TNPO3: variants seen among roughly 807,000 people sequenced by gnomAD.
The protein encoded by TNPO3 is transportin-3.
A neutral mutation model predicts 122.8 loss-of-function variants in TNPO3; 65 were observed. That is an observed-to-expected ratio of 0.53 (90% confidence interval 0.43 to 0.65). TNPO3 has a LOEUF of 0.65. Among genes scored for constraint, TNPO3 ranks in the 30% least tolerant of loss-of-function variants. The pLI, the probability that TNPO3 is intolerant of heterozygous loss-of-function variation, is 0.00. For synonymous variants in TNPO3, 372 were observed against 411.2 expected (o/e 0.90, Z 1.15); for missense variants, 850 against 1,136.7 (o/e 0.75, Z 3.63).
rs562454600 is a variant in TNPO3, at chr7:129,050,210, T to C, written c.120+4441A>G. ...CATCCTGGCTAACATGGTGAAACCTTGTCTCTACTAAAAAATACAAAAAAT... is the reference window on the plus strand; with the variant it reads ...CATCCTGGCTAACATGGTGAAACCTCGTCTCTACTAAAAAATACAAAAAAT... On this transcript the variant is annotated intron_variant, in intron 1 of 22. Transcript: ENST00000265388. 2.3e-3 allele frequency among the ~76,000 whole-genome samples: 351 copies of C among 151,638 alleles called. 4 individuals carry two copies. The highest frequency in any genetic ancestry group is 8.1e-4 in the Non-Finnish European group (55 of 67,872).
At chr7:129,004,974 G>C (rs1004233252) in intron 5 of TNPO3, 42 bp downstream of exon 5, 32 of 1,580,648 alleles carry the variant, frequency 2.0e-5, no homozygotes, top group Admixed American at 1.9e-4. Flanking sequence ...GTTACGAAAA[G>C]TGATTGGCAG....
intron 1 of TNPO3, among the ~76,000 whole-genome samples, chr7:129,033,906 CAAAA>C (rs776103730): frequency 2.8e-5 from 2 of 72,466 alleles, no homozygotes; most frequent in African/African-American, 5.4e-5. Flanking sequence ...GAGCTAAACT[CAAAA>C]AAAAAAAAAA....
chr7:129,054,524 C>T, intron 1 of TNPO3, 127 bp downstream of exon 1: 1 of 1,440,288 alleles, frequency 6.9e-7, no homozygotes, highest in Non-Finnish European at 9.2e-7. Context: ...AGCCCCACCC[C>T]ACGACAGCAG....
At chr7:129,024,152 T>C (rs1352935060) in intron 1 of TNPO3, among the ~76,000 whole-genome samples, 1 of 152,230 alleles carries the variant, frequency 6.6e-6, no homozygotes, top group African/African-American at 2.4e-5. Context: ...TTGGAGCTTC[T>C]GCCTTGGTAT....
chr7:128,990,660 A>G (rs1206159413), intron 10 of TNPO3, among the ~76,000 whole-genome samples: 1 of 152,258 alleles, frequency 6.6e-6, no homozygotes, highest in Non-Finnish European at 1.5e-5. Context: ...AATAAGCTGC[A>G]GGAATAGATT....
At chr7:129,054,477 G>T (rs1290526443) in intron 1 of TNPO3, among the ~76,000 whole-genome samples, 174 bp downstream of exon 1, 1 of 152,154 alleles carries the variant, frequency 6.6e-6, no homozygotes, top group African/African-American at 2.4e-5. Flanking sequence ...GATCAGGTGC[G>T]ACTAGTTTCC....
chr7:128,960,524 G>A (rs1427702671), intron 21 of TNPO3, among the ~76,000 whole-genome samples: 1 of 150,974 alleles, frequency 6.6e-6, no homozygotes. Flanking sequence ...TGTAGGTCTA[G>A]GCTAATATGT....
intron 21 of TNPO3, among the ~76,000 whole-genome samples, chr7:128,960,660 G>A (rs1797356428): frequency 6.6e-6 from 1 of 151,772 alleles, no homozygotes; most frequent in Admixed American, 6.5e-5. Context: ...TACAATTTGT[G>A]TTTTAAGCTA....
intron 18 of TNPO3, 92 bp from the exon 19 acceptor site, chr7:128,972,674 AG>A: frequency 8.4e-7 from 1 of 1,188,548 alleles, no homozygotes; most frequent in Non-Finnish European, 1.2e-6. Context: ...ACAGTAAAAA[AG>A]ATCAGTGGTT....
At position 128,997,390 on chromosome 7, in the gene TNPO3, T is replaced by C. The variant is rs1266978890; in HGVS notation, c.1157A>G (p.His386Arg). ...GAAGAGGTAGAGAAGGGAACTTACA[T>C]GGTCTGGTTCCAGCTGGCAGTGTCG... ...LARHCQLEPD[H>R]EGVPEETDDF... Residue 386 changes from histidine (H) to arginine (R), a missense_variant and splice_region_variant, in exon 8 of 23, where the codon CAT (histidine) becomes CGT (arginine). Transcript: ENST00000265388. 2 of 1,613,956 alleles carry C rather than the reference T, an allele frequency of 1.2e-6. No homozygotes were observed. The highest frequency in any genetic ancestry group is 8.5e-7 in the Non-Finnish European group (1 of 1,179,938).
chr7:128,963,136 A>C (rs1363655604), intron 21 of TNPO3, among the ~76,000 whole-genome samples: 2 of 152,360 alleles, frequency 1.3e-5, no homozygotes, highest in South Asian at 2.1e-4. Flanking sequence ...ACTATGTGCA[A>C]GATCTTCTTT....
intron 1 of TNPO3, among the ~76,000 whole-genome samples, chr7:129,039,674 A>G (rs571632300): frequency 1.9e-4 from 29 of 152,210 alleles, no homozygotes; most frequent in Non-Finnish European, 2.8e-4. Flanking sequence ...AAACAGTCCC[A>G]ATGTCCACTG....
rs1161817458 is a variant in TNPO3, at chr7:128,954,279, T to C, written c.*1138A>G. ...GACAGAACAGTGCCCTCATATCTGATGGCTGTGAAGGGCTGCACTCCTTTG... is the reference window on the plus strand; with the variant it reads ...GACAGAACAGTGCCCTCATATCTGACGGCTGTGAAGGGCTGCACTCCTTTG... On this transcript the variant is annotated 3_prime_UTR_variant, in exon 23 of 23. Coordinates refer to ENST00000265388, the MANE Select transcript of TNPO3 (RefSeq NM_012470.4). 6.6e-6 allele frequency: 1 copy of C among 152,254 alleles called. No individual in the cohort carries two copies. Among genetic ancestry groups the C allele is most frequent in the African/African-American group, 2.4e-5 (1 of 41,468 alleles). The allele number at this position is 152,254 out of a possible 1,614,324, so 9.4% of individuals were successfully genotyped here. A position where few individuals can be genotyped will look rare whatever the true frequency, so the allele number is the denominator to read the frequency against.
rs1481664892 is a variant in TNPO3, at chr7:128,979,090, G to A, written c.1954C>T (p.His652Tyr). 6.2e-7 allele frequency: 1 copy of A among 1,614,062 alleles called. No homozygotes were observed. Among genetic ancestry groups the A allele is most frequent in the Non-Finnish European group, 8.5e-7 (1 of 1,180,026 alleles). Residue 652 changes from histidine (H) to tyrosine (Y), a missense_variant, in exon 16 of 23, where the codon CAC becomes TAC. His to Tyr is a moderately conservative substitution (Grantham distance 83, BLOSUM62 2). Transcript: ENST00000265388. ...TCTACAATCCGATTATCAGCTCGGT[G>A]CTTATTTAGAGTCTCGGATAAAACT... The part of the protein sequence containing the change: ...WPVLSETLNK[H>Y]RADNRIVERC...
intron 12 of TNPO3, 43 bp from the exon 13 acceptor site, chr7:128,984,302 T>C (rs1799928369): frequency 7.0e-7 from 1 of 1,434,102 alleles, no homozygotes. Context: ...AAACGCTGAA[T>C]TGAGGTAACT....
At chr7:128,957,159 C>T in intron 22 of TNPO3, 65 bp downstream of exon 22, 1 of 1,398,924 alleles carries the variant, frequency 7.1e-7, no homozygotes, top group South Asian at 1.2e-5. Flanking sequence ...AAAACCTATC[C>T]CCATTCCCAG....
At chr7:129,054,191 A>AG in intron 1 of TNPO3, among the ~76,000 whole-genome samples, 1 of 152,326 alleles carries the variant, frequency 6.6e-6, no homozygotes, top group African/African-American at 2.4e-5. Flanking sequence ...ACTGGAGTGA[A>AG]AATAGGCAAA....
Position 129,017,016 on chromosome 7 carries a change from G to A in TNPO3, c.362C>T (p.Ser121Phe). ...AIADLALQMP[S>F]WKGCVQTLVE... is the part of the protein sequence containing the mutation. ...CAGTGTTTGCACACATCCCTTCCAGGAAGGCATCTGTAGGGCAAGATCTGC... is the reference window on the plus strand; with the variant it reads ...CAGTGTTTGCACACATCCCTTCCAGAAAGGCATCTGTAGGGCAAGATCTGC... Residue 121 changes from serine (S) to phenylalanine (F), a missense_variant, in exon 3 of 23, where the codon TCC becomes TTC. By Grantham distance (155) the Ser-to-Phe change is radical (BLOSUM62 -2). Transcript: ENST00000265388. 6.2e-7 allele frequency: 1 copy of A among 1,612,948 alleles called. No homozygotes were observed.
chr7:129,018,971 G>A (rs1359313742), intron 1 of TNPO3, among the ~76,000 whole-genome samples: 2 of 152,072 alleles, frequency 1.3e-5, no homozygotes, highest in Non-Finnish European at 2.9e-5. Context: ...CCCCTGCCTC[G>A]GCCTCCCAAA....
Sources: gnomAD v4.1 joint callset for allele counts (sites outside exome capture counted in the v4.1 genomes callset) on GRCh38, gnomAD v4.1.1 for gene constraint, MANE v1.5 for transcripts, NCBI Gene and HGNC (gene_info 2026-07-23, HGNC 2026-07-21) for gene names.